The following BAIAP2 variants were observed in gnomAD, a reference collection of about 807,000 sequenced individuals.
BAIAP2 encodes BAR/IMD domain containing adaptor protein 2, also known as BAR/IMD domain-containing adapter protein 2.
A neutral mutation model predicts 63.0 loss-of-function variants in BAIAP2; 18 were observed. The ratio of observed to expected loss-of-function variants is 0.29; its 90% CI spans 0.20 to 0.42. BAIAP2 has a LOEUF of 0.42. Among genes scored for constraint, BAIAP2 ranks in the 10% least tolerant of loss-of-function variants. The pLI is 1.00. For synonymous variants in BAIAP2, 386 were observed against 307.6 expected (o/e 1.25, Z -2.67); for missense variants, 610 against 734.3 (o/e 0.83, Z 1.96).
In BAIAP2 at chr17:81,049,725, C is replaced by G. The variant is rs572149523; in HGVS notation, c.55-3943C>G. Among the ~76,000 whole-genome samples, 122 of 152,356 alleles carry G rather than the reference C, an allele frequency of 8.0e-4. 4 individuals are homozygous for G. The South Asian group carries it at 0.024, about 31-fold the overall frequency. On this transcript the variant is annotated intron_variant, in intron 1 of 13. Coordinates refer to ENST00000428708, the MANE Select transcript of BAIAP2 (RefSeq NM_001144888.2). ...GGTTTTCATTCCGGAAGAGCTGGAGCTGCCTGTCACTGGCTCCCCTGCCCC... is the reference window on the plus strand; with the variant it reads ...GGTTTTCATTCCGGAAGAGCTGGAGGTGCCTGTCACTGGCTCCCCTGCCCC...
intron 1 of BAIAP2, among the ~76,000 whole-genome samples, chr17:81,038,393 C>T (rs962996810): frequency 8.5e-5 from 13 of 152,230 alleles, no homozygotes; most frequent in African/African-American, 2.4e-4. Flanking sequence ...TGGAGTGTGG[C>T]GGCTCCACCA....
At chr17:81,097,614 C>G (rs1231918840) in intron 6 of BAIAP2, 3 of 152,778 alleles carry the variant, frequency 2.0e-5, no homozygotes, top group Non-Finnish European at 4.4e-5. Flanking sequence ...ACTGACCACT[C>G]CTTGACGGGC....
intron 3 of BAIAP2, among the ~76,000 whole-genome samples, chr17:81,074,985 A>G (rs747296416): frequency 4.9e-4 from 74 of 152,314 alleles, no homozygotes; most frequent in Non-Finnish European, 1.0e-3. Flanking sequence ...TGTTTTCTAA[A>G]CCACAGGGAA....
intron 3 of BAIAP2, among the ~76,000 whole-genome samples, chr17:81,082,098 C>A (rs2054714463): frequency 6.6e-6 from 1 of 152,032 alleles, no homozygotes; most frequent in South Asian, 2.1e-4. Flanking sequence ...GGAGACTGAT[C>A]CAGCATGACC....
chr17:81,100,419 A>G (rs1052661386), intron 7 of BAIAP2, among the ~76,000 whole-genome samples: 9 of 152,134 alleles, frequency 5.9e-5, no homozygotes, highest in Non-Finnish European at 4.4e-5. Context: ...GGGGACGGTC[A>G]TGCTCCGTGC....
chr17:81,071,194 G>A (rs1043024296), intron 3 of BAIAP2, among the ~76,000 whole-genome samples: 7 of 152,128 alleles, frequency 4.6e-5, no homozygotes, highest in African/African-American at 1.7e-4. Context: ...CCAAGGAGAA[G>A]CTGGTGGCTG....
intron 3 of BAIAP2, among the ~76,000 whole-genome samples, chr17:81,071,491 G>A (rs2052651154): frequency 6.6e-6 from 1 of 152,254 alleles, no homozygotes; most frequent in African/African-American, 2.4e-5. Flanking sequence ...GGTGATGCAT[G>A]CTCACAGCCA....
Position 81,116,102 on chromosome 17 carries a change from G to C in BAIAP2, c.*263G>C. The stretch of plus-strand genomic sequence containing the variant: ...CGCCTCTTGAGGGTACACGCCTCTG[G>C]TCACATGGCCATGGAGCCTTGGGTA... On this transcript the variant is annotated 3_prime_UTR_variant, in exon 14 of 14. Coordinates refer to ENST00000428708, the MANE Select transcript of BAIAP2 (RefSeq NM_001144888.2). 2 of 1,542,894 alleles carry C rather than the reference G, an allele frequency of 1.3e-6. No individual in the cohort carries two copies. Among genetic ancestry groups the C allele is most frequent in the South Asian group, 2.4e-5 (2 of 82,762 alleles).
In BAIAP2 at chr17:81,104,115, G is replaced by A. The variant is rs1568179039; in HGVS notation, c.1066+7G>A. 6.2e-7 allele frequency: 1 copy of A among 1,612,946 alleles called. No homozygotes were observed. On this transcript the variant is annotated splice_region_variant and intron_variant, in intron 9 of 13. Transcript: ENST00000428708. ...AAAAACAGCTATGCCACCAGTAAGG[G>A]CTCCGCTGGGGTGTTGGGCTGGGGT...
chr17:81,066,844 T>A (rs962711344), intron 3 of BAIAP2, among the ~76,000 whole-genome samples: 6 of 152,212 alleles, frequency 3.9e-5, no homozygotes, highest in South Asian at 2.1e-4. Context: ...AGCCTCCTCC[T>A]GCAGGTGGAG....
chr17:81,084,724 CCTGTGGTCACAGGGCTTCCCTGGGTGG>C (rs2055269264), intron 3 of BAIAP2, 81 bp from the exon 4 acceptor site: 1 of 1,081,880 alleles, frequency 9.2e-7, no homozygotes, highest in Non-Finnish European at 1.4e-6. Context: ...GGCCCTGCTG[CCTGTGGTCACAGGGCTTCCCTGGGTGG>C]CTGTCAGCCC....
intron 2 of BAIAP2, chr17:81,056,515 T>C (rs2049587719): frequency 6.6e-6 from 1 of 152,238 alleles, no homozygotes; most frequent in East Asian, 1.9e-4. Context: ...CACGGGGAAG[T>C]GGTGTGGATG....
chr17:81,093,900 C>G (rs1168273486), intron 6 of BAIAP2, among the ~76,000 whole-genome samples: 1 of 152,310 alleles, frequency 6.6e-6, no homozygotes, highest in East Asian at 1.9e-4. Flanking sequence ...TTTCACAAAG[C>G]TCTTCAGGCT....
At chr17:81,089,723 C>A (rs2056386612) in intron 6 of BAIAP2, among the ~76,000 whole-genome samples, 1 of 152,182 alleles carries the variant, frequency 6.6e-6, no homozygotes, top group South Asian at 2.1e-4. Context: ...GGAATGAGGG[C>A]AGCATTCCCA....
chr17:81,057,738 A>G (rs1302118106), intron 2 of BAIAP2, 143 bp from the exon 3 acceptor site: 16 of 1,412,888 alleles, frequency 1.1e-5, no homozygotes, highest in Non-Finnish European at 1.5e-5. Flanking sequence ...CAACCCAGAA[A>G]TCACAGCGAG....
chr17:81,059,005 C>T (rs1017195811), intron 3 of BAIAP2, among the ~76,000 whole-genome samples: 25 of 152,174 alleles, frequency 1.6e-4, no homozygotes, highest in Admixed American at 1.0e-3. Context: ...GGGCTGGGAC[C>T]CCAGGAACCC....
At chr17:81,053,466 G>A (rs1288730196) in intron 1 of BAIAP2, 2 of 605,106 alleles carry the variant, frequency 3.3e-6, no homozygotes, top group East Asian at 2.8e-5. Flanking sequence ...TGTGAAAACC[G>A]AGGCTCAGGA....
Position 81,057,927 on chromosome 17 carries a change from G to T in BAIAP2, c.177G>T (p.Met59Ile). 1 of 1,605,176 alleles carries T rather than the reference G, an allele frequency of 6.2e-7. No homozygotes were observed. Among genetic ancestry groups the T allele is most frequent in the Non-Finnish European group, 8.5e-7 (1 of 1,176,610 alleles). ...GCTACTTTGACGCCCTGGTGAAGAT[G>T]GGGGAGCTGGCCAGCGAGAGCCAGG... ...AKGYFDALVKMGELASESQGS... is the reference protein window; with the variant it reads ...AKGYFDALVKIGELASESQGS... Residue 59 changes from methionine to isoleucine, a missense_variant, in exon 3 of 14, where the codon ATG (methionine) becomes ATT (isoleucine). Physicochemically the swap from Met to Ile is conservative, Grantham distance 10. This residue lies in a region of BAIAP2 where 389 missense variants were observed against 455.6 expected (regional missense o/e 0.85). Transcript: ENST00000428708.
chr17:81,058,959 C>A (rs115155828), intron 3 of BAIAP2, among the ~76,000 whole-genome samples: 2,607 of 152,296 alleles, frequency 0.017, 75 homozygotes, highest in African/African-American at 0.058. Context: ...TTCCAGCTCC[C>A]AGAAGAGGCT....
Sources: allele counts gnomAD v4.1 joint callset (sites outside exome capture counted in the v4.1 genomes callset), GRCh38; gene constraint gnomAD v4.1.1; regional missense constraint gnomAD v4.1.1; transcripts MANE v1.5; gene names NCBI Gene and HGNC (gene_info 2026-07-23, HGNC 2026-07-21).